The following ABI1 variants were observed in gnomAD, a reference collection of about 807,000 sequenced individuals.
ABI1 encodes Abelson interactor 1.
ABI1 carries 14 observed loss-of-function variants against 54.6 expected under a neutral mutation model. That is an observed-to-expected ratio of 0.26 (90% CI 0.17 to 0.40). The LOEUF (loss-of-function observed/expected upper bound fraction) is 0.40. Ranked by LOEUF, ABI1 falls within the 10% of genes least tolerant of loss-of-function variation. The pLI is 1.00. For missense variants in ABI1, 443 were observed against 598.3 expected (o/e 0.74, Z 2.71); for synonymous variants, 194 against 209.3 (o/e 0.93, Z 0.63).
At chr10:26,831,358 C>T (rs1242961720) in intron 1 of ABI1, among the ~76,000 whole-genome samples, 2 of 152,046 alleles carry the variant, frequency 1.3e-5, no homozygotes, top group Non-Finnish European at 2.9e-5. Flanking sequence ...GACTGGCCAG[C>T]ATGGTGAAAC....
At chr10:26,768,771 A>C in intron 6 of ABI1, 81 bp downstream of exon 6, 1 of 1,223,808 alleles carries the variant, frequency 8.2e-7, no homozygotes, top group East Asian at 2.6e-5. Flanking sequence ...CCTCACCTTT[A>C]CTCAGCACCT....
chr10:26,769,488 G>A (rs1329068455), intron 5 of ABI1, among the ~76,000 whole-genome samples: 7 of 150,306 alleles, frequency 4.7e-5, no homozygotes, highest in African/African-American at 1.7e-4. Flanking sequence ...TTTTTTCAGG[G>A]GCAGAGGGTT....
chr10:26,834,235 T>C (rs1361013853), intron 1 of ABI1, among the ~76,000 whole-genome samples: 1 of 150,576 alleles, frequency 6.6e-6, no homozygotes, highest in Non-Finnish European at 1.5e-5. Flanking sequence ...ATCTCAAAAA[T>C]ACAAAAAAGA....
chr10:26,778,048 G>A (rs1039361002), intron 2 of ABI1, among the ~76,000 whole-genome samples: 1 of 151,884 alleles, frequency 6.6e-6, no homozygotes, highest in Admixed American at 6.6e-5. Context: ...CTGTACAAAG[G>A]ATAAACAGGA....
chr10:26,758,954 C>A (rs1336613793), intron 8 of ABI1, 108 bp downstream of exon 8: 3 of 1,125,492 alleles, frequency 2.7e-6, no homozygotes, highest in Non-Finnish European at 3.8e-6. Flanking sequence ...AAACATGAAA[C>A]ATCATGGTTT....
intron 2 of ABI1, among the ~76,000 whole-genome samples, chr10:26,800,302 T>C (rs2046463119): frequency 6.6e-6 from 1 of 152,086 alleles, no homozygotes; most frequent in East Asian, 1.9e-4. Flanking sequence ...GGAGAATCGC[T>C]TGAACCCTGG....
chr10:26,785,438 CCA>C (rs1842616346), intron 2 of ABI1, among the ~76,000 whole-genome samples: 3 of 152,080 alleles, frequency 2.0e-5, no homozygotes. Flanking sequence ...GATATCATCT[CCA>C]GTTGGGTGTG....
At chr10:26,757,176 T>G (rs1048784251) in intron 8 of ABI1, among the ~76,000 whole-genome samples, 1 of 152,126 alleles carries the variant, frequency 6.6e-6, no homozygotes, top group Non-Finnish European at 1.5e-5. Context: ...AGGGAAAATG[T>G]GCACATCAAA....
Position 26,770,203 on chromosome 10 carries a change from T to C in ABI1, c.578+42A>G, listed in dbSNP as rs888670846. 3 of 1,519,876 alleles carry C rather than the reference T, an allele frequency of 2.0e-6. No homozygotes were observed. The African/African-American group carries it at 4.1e-5, about 21-fold the overall frequency. 94.1% of individuals were successfully genotyped at this position (1,519,876 alleles called of 1,614,324 possible). On this transcript the variant is annotated intron_variant, in intron 5 of 10. Transcript: ENST00000376140. ...TTAAGTCACAGAAACATCTTTTCCT[T>C]TAGCATATGAATTCTTTTGCAAAAT... is the stretch of plus-strand genomic sequence containing the variant.
intron 1 of ABI1, among the ~76,000 whole-genome samples, chr10:26,849,873 T>A (rs2050258330): frequency 1.3e-5 from 2 of 152,214 alleles, no homozygotes; most frequent in African/African-American, 4.8e-5. Context: ...CATAACTCAG[T>A]GAAAAATATT....
chr10:26,794,497 G>A (rs1843877241), intron 2 of ABI1, among the ~76,000 whole-genome samples: 1 of 151,864 alleles, frequency 6.6e-6, no homozygotes, highest in East Asian at 1.9e-4. Context: ...GAACCAAACT[G>A]TGTGGATTTA....
Position 26,851,359 on chromosome 10 carries a change from T to TTTTTTTTTTTTTTC in ABI1, c.117+9387_117+9388insGAAAAAAAAAAAAA, listed in dbSNP as rs1564585793. On this transcript the variant is annotated intron_variant, in intron 1 of 10. Coordinates refer to ENST00000376140, the MANE Select transcript of ABI1 (RefSeq NM_001012750.3). ...TACAGACTAAGCTAATTTTTTTTTT[T>TTTTTTTTTTTTTTC]TTTTTTTTTTTTTTTGAGACAGGGT... Among the ~76,000 whole-genome samples the TTTTTTTTTTTTTTC allele has an allele frequency of 7.3e-5, 10 of 137,712 alleles. 1 individual carries two copies. Among genetic ancestry groups the TTTTTTTTTTTTTTC allele is most frequent in the African/African-American group, 2.8e-4 (10 of 35,864 alleles). The allele number at this position is 137,712 out of a possible 152,430, so 90.3% of individuals were successfully genotyped here.
In ABI1 at chr10:26,823,183, G is replaced by C. The variant is rs770434218; in HGVS notation, c.240C>G (p.Ala80=). The C allele has an allele frequency of 6.2e-6, 10 of 1,602,348 alleles. No homozygotes were observed. The highest frequency in any genetic ancestry group is 8.5e-6 in the Non-Finnish European group (10 of 1,176,536). ...NNVLQLLDIQ[A]SQLRRMESSI... The stretch of plus-strand genomic sequence containing the variant: ...AAGACTCCATTCTCCGAAGCTGAGA[G>C]GCTTGGATATCCAGCAACTGGAGTA... The change falls in exon 2 of 11, where the codon GCC becomes GCG. Residue 80 remains alanine (A), a synonymous_variant. Coordinates refer to ENST00000376140, the MANE Select transcript of ABI1 (RefSeq NM_001012750.3).
intron 2 of ABI1, among the ~76,000 whole-genome samples, chr10:26,788,664 G>C (rs966465983): frequency 6.6e-6 from 1 of 152,040 alleles, no homozygotes; most frequent in Non-Finnish European, 1.5e-5. Flanking sequence ...TGTAATCCCA[G>C]CACTTTGGGA....
intron 2 of ABI1, among the ~76,000 whole-genome samples, chr10:26,803,542 G>A (rs1278047504): frequency 1.3e-5 from 2 of 152,110 alleles, no homozygotes; most frequent in Non-Finnish European, 2.9e-5. Context: ...TCTAATCTAC[G>A]TTATCCTTTT....
chr10:26,821,151 A>G (rs1269688931), intron 2 of ABI1, among the ~76,000 whole-genome samples: 1 of 151,596 alleles, frequency 6.6e-6, no homozygotes, highest in Non-Finnish European at 1.5e-5. Flanking sequence ...AAGGTAAGGC[A>G]CAAGAAAGGC....
chr10:26,818,271 T>G (rs2047718214), intron 2 of ABI1, among the ~76,000 whole-genome samples: 1 of 142,674 alleles, frequency 7.0e-6, no homozygotes, highest in African/African-American at 2.6e-5. Context: ...TGGGTAAATA[T>G]AAAGGAATTA....
At chr10:26,845,463 T>A (rs948801392) in intron 1 of ABI1, among the ~76,000 whole-genome samples, 1 of 151,908 alleles carries the variant, frequency 6.6e-6, no homozygotes, top group Admixed American at 6.6e-5. Flanking sequence ...ACCAATATGA[T>A]GAAACCCCAT....
At chr10:26,802,953 G>A (rs2046654161) in intron 2 of ABI1, among the ~76,000 whole-genome samples, 1 of 152,182 alleles carries the variant, frequency 6.6e-6, no homozygotes, top group African/African-American at 2.4e-5. Context: ...GAGAGAAAAA[G>A]GAAAGCATAG....
Sources: allele counts gnomAD v4.1 joint callset (sites outside exome capture counted in the v4.1 genomes callset), GRCh38; gene constraint gnomAD v4.1.1; transcripts MANE v1.5; gene names NCBI Gene and HGNC (gene_info 2026-07-23, HGNC 2026-07-21).